The following TDRD3 variants were observed in gnomAD, a reference collection of about 807,000 sequenced individuals.
TDRD3 encodes the protein tudor domain-containing protein 3.
A neutral mutation model predicts 86.7 loss-of-function variants in TDRD3; 45 were observed. The observed-to-expected ratio is 0.52, with a 90% CI of 0.41 to 0.67. The LOEUF is 0.67. TDRD3 is among the 30% of genes least tolerant of loss of function. The probability of loss-of-function intolerance (pLI) is 0.00; values close to 1 mark genes in which losing one functional copy is unlikely to be tolerated. For synonymous variants in TDRD3, 298 were observed against 301.7 expected, an observed-to-expected ratio of 0.99 and a Z score of 0.13; for missense variants, 814 against 889.0, an observed-to-expected ratio of 0.92 and a Z score of 1.07.
intron 10 of TDRD3, among the ~76,000 whole-genome samples, chr13:60,527,859 T>G (rs1270313985): frequency 6.6e-6 from 1 of 152,208 alleles, no homozygotes; most frequent in African/African-American, 2.4e-5. Context: ...GGATATCTGT[T>G]TGTAACGTAA....
At position 60,467,712 on chromosome 13, in the gene TDRD3, T is replaced by C. The variant is rs1428384575; in HGVS notation, c.495+333T>C. Among the ~76,000 whole-genome samples, 6 of 152,348 alleles carry C rather than the reference T, an allele frequency of 3.9e-5. No homozygotes were observed. In the East Asian group the frequency reaches 9.6e-4, roughly 24 times the overall value. Reference sequence around the variant, plus strand: ...AAAAGTGCATCTATGTGAATATATGTATACCTGTCTTATCTACAGACACAC... The same window carrying C: ...AAAAGTGCATCTATGTGAATATATGCATACCTGTCTTATCTACAGACACAC... On this transcript the variant is annotated intron_variant, in intron 5 of 13. Coordinates refer to ENST00000377881, the MANE Select transcript of TDRD3 (RefSeq NM_001146070.2).
chr13:60,559,818 A>G (rs1310706329), intron 12 of TDRD3, among the ~76,000 whole-genome samples: 2 of 152,194 alleles, frequency 1.3e-5, no homozygotes, highest in Non-Finnish European at 2.9e-5. Flanking sequence ...TTTAATGTAC[A>G]AAACAGTCAC....
chr13:60,554,481 G>T (rs183437126), intron 12 of TDRD3, among the ~76,000 whole-genome samples: 1 of 151,918 alleles, frequency 6.6e-6, no homozygotes, highest in Admixed American at 6.6e-5. Context: ...CTCTTTGTCC[G>T]GAGGATCTAT....
intron 1 of TDRD3, among the ~76,000 whole-genome samples, chr13:60,409,308 G>C (rs1385219762): frequency 2.0e-5 from 3 of 152,232 alleles, no homozygotes; most frequent in Non-Finnish European, 4.4e-5. Context: ...CCCCCACACA[G>C]AGTCCCTACT....
chr13:60,533,460 G>A (rs974878061), intron 11 of TDRD3, among the ~76,000 whole-genome samples: 1 of 152,058 alleles, frequency 6.6e-6, no homozygotes, highest in African/African-American at 2.4e-5. Flanking sequence ...GGTCAACATG[G>A]TAAAAACCTG....
chr13:60,447,258 AG>A (rs1205782098), intron 3 of TDRD3, among the ~76,000 whole-genome samples: 1 of 152,178 alleles, frequency 6.6e-6, no homozygotes, highest in Non-Finnish European at 1.5e-5. Flanking sequence ...GAGGGTGGAG[AG>A]GCATTAAATG....
At chr13:60,459,795 A>G (rs975003171) in intron 3 of TDRD3, among the ~76,000 whole-genome samples, 2 of 152,030 alleles carry the variant, frequency 1.3e-5, no homozygotes, top group African/African-American at 4.8e-5. Flanking sequence ...TAATTTTTGT[A>G]TTTTTAGTAG....
intron 8 of TDRD3, among the ~76,000 whole-genome samples, chr13:60,507,357 C>G (rs544415137): frequency 6.6e-6 from 1 of 152,310 alleles, no homozygotes; most frequent in East Asian, 1.9e-4. Context: ...TAATAGACAT[C>G]TACAGAACTC....
chr13:60,495,960 G>T (rs1396735183), intron 8 of TDRD3, among the ~76,000 whole-genome samples: 1 of 152,018 alleles, frequency 6.6e-6, no homozygotes, highest in Non-Finnish European at 1.5e-5. Context: ...AGAATACAAA[G>T]TATTGATCCT....
chr13:60,565,153 T>C (rs1322406058), intron 12 of TDRD3, among the ~76,000 whole-genome samples: 1 of 144,652 alleles, frequency 6.9e-6, no homozygotes. Flanking sequence ...CCTCCCGGGT[T>C]CACGCCATTC....
Position 60,510,817 on chromosome 13 carries a change from T to A in TDRD3, c.1141+62T>A. 4 of 1,259,026 alleles carry A rather than the reference T, an allele frequency of 3.2e-6. No individual in the cohort carries two copies. In the African/African-American group the frequency reaches 6.3e-5, roughly 20 times the overall value. The allele number at this position is 1,259,026 out of a possible 1,614,324, so 78.0% of individuals were successfully genotyped here. ...TCTTTTCTTTCTTTTTTTTTTTTTT[T>A]AGCGTATTTCTTTTTAAAAGACCAA... On this transcript the variant is annotated intron_variant, in intron 10 of 13. Coordinates refer to ENST00000377881, the MANE Select transcript of TDRD3 (RefSeq NM_001146070.2).
intron 10 of TDRD3, among the ~76,000 whole-genome samples, 161 bp from the exon 11 acceptor site, chr13:60,528,206 C>G (rs2137775988): frequency 6.6e-6 from 1 of 152,036 alleles, no homozygotes; most frequent in South Asian, 2.1e-4. Flanking sequence ...TGCAGGACTC[C>G]AAGGAAGCAA....
intron 4 of TDRD3, among the ~76,000 whole-genome samples, chr13:60,466,094 A>G (rs1045673648): frequency 6.6e-5 from 10 of 152,198 alleles, no homozygotes; most frequent in Non-Finnish European, 1.5e-4. Context: ...TAGTATATAA[A>G]TAGCTTAAAA....
intron 12 of TDRD3, among the ~76,000 whole-genome samples, chr13:60,552,437 C>G (rs1460332083): frequency 6.6e-6 from 1 of 152,218 alleles, no homozygotes; most frequent in Non-Finnish European, 1.5e-5. Context: ...CAGCTCTGCC[C>G]CTGTGGCTCT....
At chr13:60,495,728 A>G (rs1956699420) in intron 8 of TDRD3, among the ~76,000 whole-genome samples, 1 of 152,092 alleles carries the variant, frequency 6.6e-6, no homozygotes, top group African/African-American at 2.4e-5. Flanking sequence ...TCGGCCTCCC[A>G]AGGTGCTGGG....
chr13:60,500,503 A>G (rs1276814653), intron 8 of TDRD3, among the ~76,000 whole-genome samples: 1 of 152,126 alleles, frequency 6.6e-6, no homozygotes, highest in Non-Finnish European at 1.5e-5. Flanking sequence ...ATATGCAGGC[A>G]CCACCCAAAA....
intron 11 of TDRD3, among the ~76,000 whole-genome samples, chr13:60,532,415 G>C (rs1286008187): frequency 6.6e-6 from 1 of 152,188 alleles, no homozygotes; most frequent in Admixed American, 6.5e-5. Flanking sequence ...CTGTGAAAGA[G>C]ATGGAATTAG....
At chr13:60,571,768 T>C (rs1958591060) in intron 13 of TDRD3, among the ~76,000 whole-genome samples, 1 of 152,002 alleles carries the variant, frequency 6.6e-6, no homozygotes. Context: ...CTCATTGTGG[T>C]GAGAGAACTG....
chr13:60,526,961 G>A (rs1481494896), intron 10 of TDRD3, among the ~76,000 whole-genome samples: 1 of 151,828 alleles, frequency 6.6e-6, no homozygotes. Context: ...CAGCTTTCCA[G>A]GTAGCTGAGA....
Sources: allele counts gnomAD v4.1 joint callset (sites outside exome capture counted in the v4.1 genomes callset), GRCh38; gene constraint gnomAD v4.1.1; transcripts MANE v1.5; gene names NCBI Gene and HGNC (gene_info 2026-07-23, HGNC 2026-07-21).